Variants in BRDT observed in about 807,000 individuals in gnomAD.
BRDT encodes bromodomain testis associated, also known as bromodomain testis-specific protein.
Under a neutral mutation model 113.9 loss-of-function variants are expected in BRDT, and 77 were observed. The ratio of observed to expected loss-of-function variants is 0.68; its 90% confidence interval spans 0.56 to 0.82. BRDT has a LOEUF of 0.82. BRDT is among the 40% of genes least tolerant of loss of function. The probability of loss-of-function intolerance (pLI) is 0.00; values close to 1 mark genes in which losing one functional copy is unlikely to be tolerated. For missense variants in BRDT, 1,027 were observed against 1,105.4 expected (o/e 0.93, Z 1.01); for synonymous variants, 358 against 366.5 (o/e 0.98, Z 0.26).
chr1:91,978,761 G>C (rs902113409), intron 7 of BRDT, among the ~76,000 whole-genome samples: 2 of 152,070 alleles, frequency 1.3e-5, no homozygotes, highest in Admixed American at 6.5e-5. Flanking sequence ...AGCACTTTGG[G>C]AGGCCGAGGC....
intron 18 of BRDT, among the ~76,000 whole-genome samples, chr1:92,006,481 A>C (rs1279128376): frequency 6.6e-6 from 1 of 151,262 alleles, no homozygotes; most frequent in Non-Finnish European, 1.5e-5. Context: ...GTTTGTTTTT[A>C]TCGAGATGAA....
chr1:91,993,296 C>T (rs1479360618), intron 14 of BRDT, among the ~76,000 whole-genome samples: 1 of 152,196 alleles, frequency 6.6e-6, no homozygotes, highest in African/African-American at 2.4e-5. Flanking sequence ...GAAAGACTGT[C>T]TTATTTATCT....
intron 3 of BRDT, 146 bp downstream of exon 3, chr1:91,964,910 ATTTT>A (rs1302641462): frequency 1.3e-4 from 31 of 234,766 alleles, no homozygotes; most frequent in Middle Eastern, 1.8e-3. Flanking sequence ...TGTGTATATA[ATTTT>A]TTTTTTTTTT....
chr1:92,007,529 G>A (rs1687430581), intron 18 of BRDT, among the ~76,000 whole-genome samples: 1 of 152,128 alleles, frequency 6.6e-6, no homozygotes, highest in African/African-American at 2.4e-5. Context: ...GAGGATAATA[G>A]CCTCCAGTTC....
At chr1:91,986,275 G>C (rs1289473613) in intron 12 of BRDT, among the ~76,000 whole-genome samples, 5 of 151,878 alleles carry the variant, frequency 3.3e-5, no homozygotes, top group Non-Finnish European at 5.9e-5. Flanking sequence ...TGATTTATAG[G>C]GAGCAATATA....
At chr1:92,006,406 T>TA (rs1687305921) in intron 18 of BRDT, among the ~76,000 whole-genome samples, 1 of 152,182 alleles carries the variant, frequency 6.6e-6, no homozygotes, top group South Asian at 2.1e-4. Context: ...TTTAATTATT[T>TA]AAAGTGAGTT....
chr1:91,997,483 C>T (rs889703146), intron 15 of BRDT, among the ~76,000 whole-genome samples: 12 of 152,124 alleles, frequency 7.9e-5, no homozygotes, highest in African/African-American at 2.9e-4. Context: ...GAAAAAGTTA[C>T]TCTTTTAACT....
chr1:92,000,541 A>G (rs1686743376), intron 15 of BRDT, among the ~76,000 whole-genome samples: 1 of 152,102 alleles, frequency 6.6e-6, no homozygotes, highest in Admixed American at 6.6e-5. Flanking sequence ...TCTAACCTCA[A>G]CCTCAGTATG....
intron 12 of BRDT, among the ~76,000 whole-genome samples, chr1:91,984,232 A>G (rs1159741965): frequency 6.6e-6 from 1 of 152,130 alleles, no homozygotes; most frequent in Non-Finnish European, 1.5e-5. Flanking sequence ...GCCTTTCTCC[A>G]CATATTCTAA....
intron 5 of BRDT, 91 bp downstream of exon 5, chr1:91,976,529 T>C (rs1232894950): frequency 3.2e-6 from 4 of 1,250,454 alleles, no homozygotes; most frequent in Non-Finnish European, 4.3e-6. Flanking sequence ...CGTCTAGCAA[T>C]TTTTCTTTTT....
intron 14 of BRDT, among the ~76,000 whole-genome samples, chr1:91,993,018 T>C (rs931990095): frequency 4.9e-4 from 75 of 152,262 alleles, no homozygotes; most frequent in African/African-American, 1.7e-3. Flanking sequence ...TCACTTTCAC[T>C]CACTGAGGAA....
chr1:91,957,213 G>C (rs371569068), intron 1 of BRDT, among the ~76,000 whole-genome samples: 5 of 152,156 alleles, frequency 3.3e-5, no homozygotes, highest in African/African-American at 1.2e-4. Context: ...TTTATTTTTG[G>C]CCGGGGGCAG....
In BRDT at chr1:91,981,475, C is replaced by T. The variant is rs567964648; in HGVS notation, c.1864+94C>T. The stretch of plus-strand genomic sequence containing the variant: ...GCCCAGGCTGGTCTTGAACTCCTGG[C>T]CTCATGTGATCCTCCACCTTGGCCT... On this transcript the variant is annotated intron_variant, in intron 11 of 18. Coordinates refer to ENST00000399546, the MANE Select transcript of BRDT (RefSeq NM_207189.4). 376 of 1,502,488 alleles carry T rather than the reference C, an allele frequency of 2.5e-4. 1 individual carries two copies. In the African/African-American group the frequency reaches 4.7e-3, roughly 19 times the overall value. The allele number at this position is 1,502,488 out of a possible 1,614,324, so 93.1% of individuals were successfully genotyped here. A position where few individuals can be genotyped will look rare whatever the true frequency, so the allele number is the denominator to read the frequency against.
chr1:91,988,383 G>A (rs1193396287), intron 12 of BRDT, among the ~76,000 whole-genome samples: 4 of 151,768 alleles, frequency 2.6e-5, no homozygotes, highest in South Asian at 4.2e-4. Flanking sequence ...TATTGTTATC[G>A]ATTTTATTTT....
chr1:91,963,051 C>T (rs1297867150), intron 2 of BRDT, 105 bp downstream of exon 2: 8 of 890,316 alleles, frequency 9.0e-6, no homozygotes, highest in South Asian at 4.6e-5. Context: ...TGGCCAGGCG[C>T]GTTGGCTCCC....
chr1:91,993,666 A>C (rs1327950372), intron 14 of BRDT, among the ~76,000 whole-genome samples: 3 of 152,230 alleles, frequency 2.0e-5, no homozygotes, highest in African/African-American at 7.2e-5. Flanking sequence ...TAATACAGTA[A>C]GGAAAAATGG....
At chr1:92,010,024 T>C (rs1687661188) in intron 18 of BRDT, among the ~76,000 whole-genome samples, 1 of 152,160 alleles carries the variant, frequency 6.6e-6, no homozygotes, top group Non-Finnish European at 1.5e-5. Context: ...GTCTTCTGTA[T>C]ATAGTATGTT....
At chr1:91,984,804 G>T (rs558675651) in intron 12 of BRDT, among the ~76,000 whole-genome samples, 3 of 152,090 alleles carry the variant, frequency 2.0e-5, no homozygotes, top group African/African-American at 7.2e-5. Context: ...GCTAATTTTT[G>T]TACTTTTTTT....
intron 1 of BRDT, among the ~76,000 whole-genome samples, chr1:91,960,599 A>G (rs1004405925): frequency 1.3e-5 from 2 of 152,174 alleles, no homozygotes; most frequent in Non-Finnish European, 2.9e-5. Context: ...CAAGATGGAA[A>G]AGTTCTAGAG....
Sources: allele counts gnomAD v4.1 joint callset (sites outside exome capture counted in the v4.1 genomes callset), GRCh38; gene constraint gnomAD v4.1.1; transcripts MANE v1.5; gene names NCBI Gene and HGNC (gene_info 2026-07-23, HGNC 2026-07-21).